The following DYSF variants were observed in gnomAD, a reference collection of about 807,000 sequenced individuals.
DYSF encodes the protein dystrophy-associated fer-1-like 1.
A neutral mutation model predicts 274.9 loss-of-function variants in DYSF; 212 were observed. That is an observed-to-expected ratio of 0.77 (90% CI 0.69 to 0.86). The LOEUF (loss-of-function observed/expected upper bound fraction) is 0.86. DYSF is among the 40% of genes least tolerant of loss of function. The probability of loss-of-function intolerance (pLI) is 0.00; values close to 1 mark genes in which losing one functional copy is unlikely to be tolerated. For missense variants in DYSF, 2,666 were observed against 2,783.2 expected (o/e 0.96, Z 0.95); for synonymous variants, 1,091 against 1,078.7 (o/e 1.01, Z -0.22).
intron 12 of DYSF, among the ~76,000 whole-genome samples, chr2:71,524,067 C>G (rs979227621): frequency 6.6e-6 from 1 of 152,190 alleles, no homozygotes; most frequent in Non-Finnish European, 1.5e-5. Flanking sequence ...TTCCAGAATG[C>G]TCTTCCATCC....
intron 17 of DYSF, among the ~76,000 whole-genome samples, chr2:71,549,016 T>G (rs1382075737): frequency 6.6e-6 from 1 of 152,190 alleles, no homozygotes; most frequent in African/African-American, 2.4e-5. Context: ...AAAGCACATT[T>G]TCTTTTCTGA....
chr2:71,553,623 A>ACGTGTC (rs1235854305), intron 20 of DYSF, among the ~76,000 whole-genome samples, 184 bp from the exon 21 acceptor site: 1 of 152,096 alleles, frequency 6.6e-6, no homozygotes, highest in Non-Finnish European at 1.5e-5. Context: ...GGGCCACTCC[A>ACGTGTC]CGTGTCCAAG....
intron 1 of DYSF, among the ~76,000 whole-genome samples, chr2:71,456,776 C>T (rs570667330): frequency 3.9e-5 from 6 of 152,278 alleles, no homozygotes; most frequent in Admixed American, 3.3e-4. Flanking sequence ...ACAGCATCCC[C>T]ACCCCCAACC....
At position 71,480,890 on chromosome 2, in the gene DYSF, G is replaced by C. The variant is rs756910550; in HGVS notation, c.99G>C (p.Lys33Asn). Residue 33 changes from lysine to asparagine, a missense_variant, in exon 2 of 56, where the codon AAG becomes AAC. By Grantham distance (94) the Lys-to-Asn change is moderately conservative. Coordinates refer to ENST00000410020, the MANE Select transcript of DYSF (RefSeq NM_001130987.2). ...CTTTTGTGTCTCTTGTAGGGGTGAA[G>C]AAGAGAACCAAAGTCATCAAGAACA... Reference protein sequence around the residue: ...PVASLTFRGVKKRTKVIKNSV... With the variant: ...PVASLTFRGVNKRTKVIKNSV... The C allele has an allele frequency of 1.2e-6, 2 of 1,614,094 alleles. No homozygotes were observed. Among genetic ancestry groups the C allele is most frequent in the South Asian group, 2.2e-5 (2 of 91,080 alleles).
At chr2:71,563,733 G>A (rs1306705205) in intron 23 of DYSF, among the ~76,000 whole-genome samples, 1 of 152,156 alleles carries the variant, frequency 6.6e-6, no homozygotes, top group Admixed American at 6.5e-5. Context: ...ACCTGGTAGC[G>A]AGGACCTAAG....
intron 32 of DYSF, among the ~76,000 whole-genome samples, chr2:71,590,823 C>T (rs867436024): frequency 6.6e-6 from 1 of 152,166 alleles, no homozygotes; most frequent in Non-Finnish European, 1.5e-5. Context: ...TTCTCAGTCA[C>T]CCAGTCCTGA....
chr2:71,662,997 T>C lies in DYSF; in HGVS notation c.5004-1271T>C, dbSNP rs1212697009. Among the ~76,000 whole-genome samples, 5 of 152,322 alleles carry C rather than the reference T, an allele frequency of 3.3e-5. No individual in the cohort carries two copies. In the East Asian group the frequency reaches 9.6e-4, roughly 29 times the overall value. On this transcript the variant is annotated intron_variant, in intron 45 of 55. Transcript: ENST00000410020. ...GTGTCCATGTGTCTGCATATGTGTGTGGTGTGTGTATATTTGTGTATGTTT... is the reference window on the plus strand; with the variant it reads ...GTGTCCATGTGTCTGCATATGTGTGCGGTGTGTGTATATTTGTGTATGTTT...
intron 3 of DYSF, among the ~76,000 whole-genome samples, chr2:71,482,340 C>T (rs1185950556): frequency 6.6e-6 from 1 of 152,216 alleles, no homozygotes; most frequent in Non-Finnish European, 1.5e-5. Context: ...AGGGCAGAGG[C>T]CCCCTGCAGG....
rs779087093 is a variant in DYSF, at chr2:71,503,318, G to T, written c.344G>T (p.Gly115Val). The change falls in exon 4 of 56, where the codon GGG becomes GTG. Residue 115 changes from glycine to valine, a missense_variant and splice_region_variant. Transcript: ENST00000410020. ...CTGGACACCAAGAAGCAGCCCACAG[G>T]GGTAAGTGCCCATCAGCCTCTGCCA... ...PLLDTKKQPT[G>V]ASLVLQVSYT... 3 of 1,614,008 alleles carry T rather than the reference G, an allele frequency of 1.9e-6. No individual in the cohort carries two copies. Among genetic ancestry groups the T allele is most frequent in the Non-Finnish European group, 2.5e-6 (3 of 1,179,984 alleles).
intron 16 of DYSF, 87 bp downstream of exon 16, chr2:71,535,398 G>A: frequency 7.4e-7 from 1 of 1,351,024 alleles, no homozygotes; most frequent in South Asian, 1.2e-5. Context: ...GTGACTGGTA[G>A]TAAGAGTGTG....
chr2:71,568,137 C>A, intron 25 of DYSF, 35 bp from the exon 26 acceptor site: 1 of 1,614,202 alleles, frequency 6.2e-7, no homozygotes, highest in Non-Finnish European at 8.5e-7. Flanking sequence ...CTGCCTTGGC[C>A]CCCTGCTCAC....
chr2:71,545,530 T>C (rs1166327015), intron 17 of DYSF, among the ~76,000 whole-genome samples: 1 of 152,200 alleles, frequency 6.6e-6, no homozygotes, highest in Non-Finnish European at 1.5e-5. Context: ...GGCTGTCTCC[T>C]GCACAGGTAG....
At chr2:71,569,442 T>C (rs1003572389) in intron 26 of DYSF, among the ~76,000 whole-genome samples, 1 of 152,234 alleles carries the variant, frequency 6.6e-6, no homozygotes, top group Non-Finnish European at 1.5e-5. Flanking sequence ...AACTTTTTTT[T>C]ACTTAAAAAA....
chr2:71,624,902 C>T (rs1469080189), intron 41 of DYSF, among the ~76,000 whole-genome samples: 1 of 152,068 alleles, frequency 6.6e-6, no homozygotes, highest in Non-Finnish European at 1.5e-5. Flanking sequence ...CTTCTTCAAT[C>T]AATTTGGTAG....
chr2:71,475,172 C>T (rs1489503345), intron 1 of DYSF, among the ~76,000 whole-genome samples: 4 of 152,152 alleles, frequency 2.6e-5, no homozygotes, highest in Admixed American at 6.5e-5. Flanking sequence ...CAGCCAGGAC[C>T]CTTCCCCCAC....
At chr2:71,553,757 A>ACCCCCC in intron 20 of DYSF, 50 bp from the exon 21 acceptor site, 3 of 461,878 alleles carry the variant, frequency 6.5e-6, no homozygotes, top group Admixed American at 3.5e-5. Context: ...ACCCCATCCC[A>ACCCCCC]CCCGCCCTCC....
intron 23 of DYSF, among the ~76,000 whole-genome samples, chr2:71,562,801 C>G (rs1171576733): frequency 6.6e-6 from 1 of 152,136 alleles, no homozygotes. Context: ...CAGGCTGGTT[C>G]CCTGGTGGAC....
intron 17 of DYSF, among the ~76,000 whole-genome samples, chr2:71,542,172 G>A (rs554051542): frequency 5.3e-5 from 8 of 152,012 alleles, no homozygotes; most frequent in Admixed American, 1.3e-4. Flanking sequence ...CTCATGAGGC[G>A]GTTGTAAAAA....
chr2:71,593,807 C>G (rs2093338400), intron 32 of DYSF, among the ~76,000 whole-genome samples: 2 of 152,214 alleles, frequency 1.3e-5, no homozygotes, highest in South Asian at 4.1e-4. Context: ...CATGAGGTCA[C>G]CACGTTCCAT....
Sources: allele counts gnomAD v4.1 joint callset (sites outside exome capture counted in the v4.1 genomes callset), GRCh38; gene constraint gnomAD v4.1.1; transcripts MANE v1.5; gene names NCBI Gene and HGNC (gene_info 2026-07-23, HGNC 2026-07-21).